Variants in LINGO1 observed in about 807,000 individuals in gnomAD.
The protein encoded by LINGO1 is leucine-rich repeat and immunoglobulin-like domain-containing nogo receptor-interacting protein 1.
In LINGO1, 11 loss-of-function variants were observed where a neutral mutation model predicts 37.3. The observed-to-expected ratio is 0.29, with a 90% confidence interval of 0.19 to 0.49. LINGO1 has a LOEUF of 0.49. Ranked by LOEUF, LINGO1 falls within the 20% of genes least tolerant of loss-of-function variation. LINGO1 has a pLI of 0.99. For synonymous variants in LINGO1, 387 were observed against 403.0 expected (o/e 0.96, Z 0.48); for missense variants, 585 against 878.2 (o/e 0.67, Z 4.22).
intron 1 of LINGO1, among the ~76,000 whole-genome samples, chr15:77,770,703 C>T (rs74027316): frequency 9.2e-5 from 14 of 152,224 alleles, no homozygotes; most frequent in African/African-American, 3.4e-4. Context: ...ACTCCAGATC[C>T]GGGGACCCTT....
At chr15:77,773,521 C>T (rs2076606274) in intron 1 of LINGO1, among the ~76,000 whole-genome samples, 1 of 152,122 alleles carries the variant, frequency 6.6e-6, no homozygotes, top group Non-Finnish European at 1.5e-5. Flanking sequence ...TCCTGTGCCC[C>T]TCCACCACCC....
intron 3 of LINGO1, among the ~76,000 whole-genome samples, chr15:77,668,249 T>C (rs1174421811): frequency 5.3e-5 from 8 of 152,178 alleles, no homozygotes; most frequent in Non-Finnish European, 1.2e-4. Context: ...CAGTGAACTC[T>C]CTGAAGCAAA....
At chr15:77,724,922 C>CA (rs1264720368) in intron 2 of LINGO1, among the ~76,000 whole-genome samples, 1 of 152,230 alleles carries the variant, frequency 6.6e-6, no homozygotes, top group African/African-American at 2.4e-5. Context: ...AACTGCTTCC[C>CA]AGACGGTGTG....
At chr15:77,803,975 G>A (rs1596246784) in intron 1 of LINGO1, among the ~76,000 whole-genome samples, 1 of 152,184 alleles carries the variant, frequency 6.6e-6, no homozygotes, top group East Asian at 1.9e-4. Context: ...TAAGGCAGCA[G>A]GGTAGAGCAG....
At chr15:77,798,662 C>T (rs2076892837) in intron 1 of LINGO1, among the ~76,000 whole-genome samples, 1 of 152,226 alleles carries the variant, frequency 6.6e-6, no homozygotes, top group South Asian at 2.1e-4. Context: ...CCAAGAAAGA[C>T]ATGAAACCCC....
intron 2 of LINGO1, among the ~76,000 whole-genome samples, chr15:77,725,228 C>G (rs1032073630): frequency 6.6e-6 from 1 of 152,174 alleles, no homozygotes; most frequent in Admixed American, 6.5e-5. Context: ...TTTCAGTTTT[C>G]CCATCGGTAC....
chr15:77,781,348 G>A (rs1244241465), intron 1 of LINGO1, among the ~76,000 whole-genome samples: 4 of 152,342 alleles, frequency 2.6e-5, no homozygotes, highest in Admixed American at 1.3e-4. Context: ...CTCCCACGCC[G>A]AAGGAGGCTG....
chr15:77,689,845 C>G (rs956780568), intron 2 of LINGO1, among the ~76,000 whole-genome samples: 13 of 152,154 alleles, frequency 8.5e-5, no homozygotes, highest in Admixed American at 5.2e-4. Flanking sequence ...AAAAACCAAA[C>G]CAGCGATGTC....
chr15:77,798,005 C>T (rs2076887190), intron 1 of LINGO1, among the ~76,000 whole-genome samples: 1 of 152,140 alleles, frequency 6.6e-6, no homozygotes, highest in Non-Finnish European at 1.5e-5. Context: ...CCAGGGCCCA[C>T]TTTGGCTTTC....
At chr15:77,643,496 G>A (rs1171514469) in intron 3 of LINGO1, among the ~76,000 whole-genome samples, 2 of 152,216 alleles carry the variant, frequency 1.3e-5, no homozygotes, top group African/African-American at 4.8e-5. Context: ...GGGGTTGGAT[G>A]GCGGGAGGGA....
chr15:77,723,849 C>G (rs922535630), intron 2 of LINGO1, among the ~76,000 whole-genome samples: 1 of 151,956 alleles, frequency 6.6e-6, no homozygotes, highest in Non-Finnish European at 1.5e-5. Context: ...CAGTTCCAAA[C>G]GGAGCCGAGG....
intron 2 of LINGO1, among the ~76,000 whole-genome samples, chr15:77,703,573 GC>G (rs1446229403): frequency 1.3e-5 from 2 of 152,188 alleles, no homozygotes; most frequent in Admixed American, 6.5e-5. Flanking sequence ...CTTCCTGGAA[GC>G]AAAGGAAGAA....
intron 1 of LINGO1, among the ~76,000 whole-genome samples, chr15:77,626,666 G>A (rs1355001074): frequency 6.6e-6 from 1 of 152,248 alleles, no homozygotes; most frequent in Non-Finnish European, 1.5e-5. Flanking sequence ...AGGCTGCAAA[G>A]GTCTACTGCA....
chr15:77,704,433 C>T (rs2075823407), intron 2 of LINGO1, among the ~76,000 whole-genome samples: 1 of 152,066 alleles, frequency 6.6e-6, no homozygotes, highest in Admixed American at 6.5e-5. Context: ...ACACTGAATC[C>T]CGACCCTGGT....
intron 1 of LINGO1, among the ~76,000 whole-genome samples, chr15:77,744,787 G>A (rs1007407702): frequency 6.6e-6 from 1 of 152,150 alleles, no homozygotes; most frequent in Non-Finnish European, 1.5e-5. Context: ...GCTGGCTCCA[G>A]AGGCCTCACC....
chr15:77,646,703 C>T (rs1304119521), intron 3 of LINGO1, among the ~76,000 whole-genome samples: 1 of 152,222 alleles, frequency 6.6e-6, no homozygotes, highest in Admixed American at 6.5e-5. Flanking sequence ...GCTTCTCTGT[C>T]CCCAGGAGCA....
At position 77,632,319 on chromosome 15, in the gene LINGO1, G is replaced by T. The variant is rs765942091; in HGVS notation, c.-4C>A. The T allele has an allele frequency of 1.7e-5, 24 of 1,440,468 alleles. No individual in the cohort carries two copies. Among genetic ancestry groups the T allele is most frequent in the Non-Finnish European group, 2.2e-5 (24 of 1,097,646 alleles). The allele number at this position is 1,440,468 out of a possible 1,614,324, so 89.2% of individuals were successfully genotyped here. A position where few individuals can be genotyped will look rare whatever the true frequency, so the allele number is the denominator to read the frequency against. On this transcript the variant is annotated 5_prime_UTR_variant, in exon 1 of 2. Transcript: ENST00000355300. The surrounding 1 kb of genome is among the most constrained non-coding windows in gnomAD (Gnocchi z 6.0). Reference sequence around the variant, plus strand: ...CGGCCGCCTGGCTCACCTGCATCTCGGGCGCGCCTTCGGTCCGCTCGGCTC... The same window carrying T: ...CGGCCGCCTGGCTCACCTGCATCTCTGGCGCGCCTTCGGTCCGCTCGGCTC...
intron 3 of LINGO1, among the ~76,000 whole-genome samples, chr15:77,657,448 T>A (rs954021969): frequency 2.0e-5 from 3 of 152,200 alleles, no homozygotes; most frequent in African/African-American, 7.2e-5. Flanking sequence ...CTGGGTGTCC[T>A]GAATCCCCAA....
intron 1 of LINGO1, among the ~76,000 whole-genome samples, chr15:77,619,300 G>C (rs2073845129): frequency 6.6e-6 from 1 of 152,160 alleles, no homozygotes; most frequent in Non-Finnish European, 1.5e-5. Flanking sequence ...GTGAGTTTTT[G>C]CAGGGGTGGA....
Sources: allele counts gnomAD v4.1 joint callset (sites outside exome capture counted in the v4.1 genomes callset), GRCh38; gene constraint gnomAD v4.1.1; non-coding constraint Gnocchi (gnomAD v3.1); transcripts MANE v1.5; gene names NCBI Gene and HGNC (gene_info 2026-07-23, HGNC 2026-07-21).